The following ZNF510 variants were observed in gnomAD, a reference collection of about 807,000 sequenced individuals.
ZNF510 encodes the protein zinc finger protein 510.
A neutral mutation model predicts 18.1 loss-of-function variants in ZNF510; 15 were observed. That is an observed-to-expected ratio of 0.83 (90% confidence interval 0.55 to 1.28). ZNF510 has a LOEUF of 1.28. Ranked by LOEUF, ZNF510 falls within the 50% of genes most tolerant of loss-of-function variation. The probability of loss-of-function intolerance (pLI) is 0.00; values close to 1 mark genes in which losing one functional copy is unlikely to be tolerated. For synonymous variants in ZNF510, 261 were observed against 266.4 expected (o/e 0.98, Z 0.20); for missense variants, 724 against 791.8 (o/e 0.91, Z 1.03).
At position 96,759,802 on chromosome 9, in the gene ZNF510, T is replaced by G; in HGVS notation, c.1028A>C (p.Asn343Thr). 1.2e-6 allele frequency: 2 copies of G among 1,613,972 alleles called. No homozygotes were observed. Among genetic ancestry groups the G allele is most frequent in the Non-Finnish European group, 1.7e-6 (2 of 1,179,982 alleles). ...IKHYELNPSG[N>T]NFNRKAHLTD... ...GAGGTGTGCCTTTCTGTTGAAATTA[T>G]TTCCACTTGGATTTAATTCATAATG... Residue 343 changes from asparagine to threonine, a missense_variant, in exon 6 of 6, where the codon AAT (asparagine) becomes ACT (threonine). Transcript: ENST00000223428.
rs1343093725 is a variant in ZNF510 at position 96,755,552 on chromosome 9, A to C, written c.*3226T>G. Among the ~76,000 whole-genome samples, 3 of 152,080 alleles carry C rather than the reference A, an allele frequency of 2.0e-5. No homozygotes were observed. The highest frequency in any genetic ancestry group is 4.4e-5 in the Non-Finnish European group (3 of 68,016). On this transcript the variant is annotated 3_prime_UTR_variant, in exon 6 of 6. Coordinates refer to ENST00000223428, the MANE Select transcript of ZNF510 (RefSeq NM_014930.3). ...CAATGTAACTGGCCTATGATATTCT[A>C]TTTCTTAAGTCCTAAGATGTATTCT... is the stretch of plus-strand genomic sequence containing the variant.
At position 96,759,538 on chromosome 9, in the gene ZNF510, G is replaced by C; in HGVS notation, c.1292C>G (p.Pro431Arg). ...TTTTCCACATTCACTACATTCAAAT[G>C]GTTTCTCTCCTGTGTGAGTTCTCTG... ...QHQRTHTGEK[P>R]FECSECGKTF... The change falls in exon 6 of 6, where the codon CCA (proline) becomes CGA (arginine). Residue 431 changes from proline (P) to arginine (R), a missense_variant. Pro to Arg is a moderately radical substitution (Grantham distance 103). Coordinates refer to ENST00000223428, the MANE Select transcript of ZNF510 (RefSeq NM_014930.3). 1 of 1,614,066 alleles carries C rather than the reference G, an allele frequency of 6.2e-7. No homozygotes were observed. Among genetic ancestry groups the C allele is most frequent in the Non-Finnish European group, 8.5e-7 (1 of 1,179,980 alleles).
At chr9:96,764,163 A>G (rs1470704189) in intron 3 of ZNF510, among the ~76,000 whole-genome samples, 4 of 151,560 alleles carry the variant, frequency 2.6e-5, no homozygotes, top group African/African-American at 4.9e-5. Context: ...AAATAGATAC[A>G]TTACTAAAAC....
At position 96,763,487 on chromosome 9, in the gene ZNF510, G is replaced by A. The variant is rs375298900; in HGVS notation, c.256+19C>T. On this transcript the variant is annotated intron_variant, in intron 4 of 5. Coordinates refer to ENST00000223428, the MANE Select transcript of ZNF510 (RefSeq NM_014930.3). The stretch of plus-strand genomic sequence containing the variant: ...CTTCTATATGGAGTTACAAGGGTAA[G>A]TTATGTTTACATGCTTACCCACTGA... The A allele has an allele frequency of 8.8e-6, 14 of 1,592,744 alleles. No homozygotes were observed. In the African/African-American group the frequency reaches 1.9e-4, roughly 22 times the overall value.
intron 3 of ZNF510, among the ~76,000 whole-genome samples, chr9:96,766,137 A>G (rs1849465837): frequency 6.6e-6 from 1 of 152,216 alleles, no homozygotes. Context: ...ACTTTTTGGA[A>G]CATTACTACT....
intron 5 of ZNF510, among the ~76,000 whole-genome samples, chr9:96,762,063 A>AG (rs200986388): frequency 0.01 from 1,557 of 152,176 alleles, 28 homozygotes; most frequent in African/African-American, 0.035. Context: ...TAGGGTGGGA[A>AG]GGGGGACTGG....
At chr9:96,772,795 C>A (rs1252260449) in intron 3 of ZNF510, among the ~76,000 whole-genome samples, 2 of 152,172 alleles carry the variant, frequency 1.3e-5, no homozygotes, top group African/African-American at 4.8e-5. Flanking sequence ...GATTTGACCA[C>A]TTAGGCAAGC....
intron 1 of ZNF510, among the ~76,000 whole-genome samples, chr9:96,776,853 G>C (rs1293781341): frequency 1.3e-5 from 2 of 152,122 alleles, no homozygotes; most frequent in African/African-American, 2.4e-5. Context: ...TCCTGGTGAA[G>C]AAGTGACCTA....
intron 4 of ZNF510, 115 bp downstream of exon 4, chr9:96,763,391 G>T: frequency 7.2e-7 from 1 of 1,393,822 alleles, no homozygotes; most frequent in Non-Finnish European, 9.7e-7. Flanking sequence ...TTGGAATCCT[G>T]AATGAAAAGC....
intron 3 of ZNF510, among the ~76,000 whole-genome samples, chr9:96,766,112 T>A (rs1588129156): frequency 6.6e-6 from 1 of 152,242 alleles, no homozygotes; most frequent in African/African-American, 2.4e-5. Flanking sequence ...ATTTATTAGT[T>A]CAGTGTTTGT....
At chr9:96,768,673 C>T (rs1448092038) in intron 3 of ZNF510, among the ~76,000 whole-genome samples, 1 of 152,086 alleles carries the variant, frequency 6.6e-6, no homozygotes, top group Non-Finnish European at 1.5e-5. Context: ...CTAGAAAACA[C>T]TGCTAGAAGA....
At chr9:96,764,581 A>G (rs1429528515) in intron 3 of ZNF510, among the ~76,000 whole-genome samples, 2 of 152,236 alleles carry the variant, frequency 1.3e-5, no homozygotes, top group African/African-American at 2.4e-5. Context: ...GTCAAAACTG[A>G]AAATATTTAT....
intron 3 of ZNF510, among the ~76,000 whole-genome samples, chr9:96,764,400 C>A (rs1291706747): frequency 6.6e-6 from 1 of 152,176 alleles, no homozygotes; most frequent in Non-Finnish European, 1.5e-5. Flanking sequence ...GATCCTCCCA[C>A]CTTGGCCTCC....
At chr9:96,775,961 C>G in intron 2 of ZNF510, 39 bp downstream of exon 2, 3 of 1,583,798 alleles carry the variant, frequency 1.9e-6, no homozygotes, top group Non-Finnish European at 2.6e-6. Context: ...TTTTCCTGTG[C>G]AGTCTGACAG....
intron 5 of ZNF510, among the ~76,000 whole-genome samples, chr9:96,762,492 G>A (rs1849373321): frequency 6.8e-6 from 1 of 146,782 alleles, no homozygotes; most frequent in Admixed American, 6.8e-5. Context: ...CTGAGTGACA[G>A]AGGGAGACTC....
chr9:96,772,387 C>T (rs533704619), intron 3 of ZNF510, among the ~76,000 whole-genome samples: 4 of 149,564 alleles, frequency 2.7e-5, no homozygotes, highest in South Asian at 2.1e-4. Context: ...AAAGAAAAGA[C>T]GATCTGACCT....
chr9:96,755,823 A>G lies in ZNF510; in HGVS notation c.*2955T>C, dbSNP rs1275782136. 2 of 152,180 alleles carry G rather than the reference A, an allele frequency of 1.3e-5. No individual in the cohort carries two copies. The highest frequency in any genetic ancestry group is 2.4e-5 in the African/African-American group (1 of 41,448). 9.4% of individuals were successfully genotyped at this position (152,180 alleles called of 1,614,324 possible). A position where few individuals can be genotyped will look rare whatever the true frequency, so the allele number is the denominator to read the frequency against. On this transcript the variant is annotated 3_prime_UTR_variant, in exon 6 of 6. Transcript: ENST00000223428. ...CTGGCTATTTATCCAGAAGGAAAAA[A>G]GTTTTGTAAATTCTTATATCCAATG...
At chr9:96,776,496 C>T (rs531023038) in intron 1 of ZNF510, among the ~76,000 whole-genome samples, 28 of 152,242 alleles carry the variant, frequency 1.8e-4, no homozygotes, top group East Asian at 5.8e-4. Context: ...GTCTCCAGGC[C>T]GGGCGTGGTG....
Position 96,759,717 on chromosome 9 carries a change from C to G in ZNF510, c.1113G>C (p.Gln371His). Residue 371 changes from glutamine (Q) to histidine (H), a missense_variant, in exon 6 of 6, where the codon CAG becomes CAC. By Grantham distance (24) the Gln-to-His change is conservative. Transcript: ENST00000223428. The part of the protein sequence containing the change: ...ENPLVSNDRT[Q>H]TWVKSSEYHE... Reference sequence around the variant, plus strand: ...GATATTCAGAGGATTTAACCCAAGTCTGTGTTCTGTCATTACTTACCAATG... The same window carrying G: ...GATATTCAGAGGATTTAACCCAAGTGTGTGTTCTGTCATTACTTACCAATG... The G allele has an allele frequency of 6.2e-7, 1 of 1,613,958 alleles. No individual in the cohort carries two copies. Among genetic ancestry groups the G allele is most frequent in the Non-Finnish European group, 8.5e-7 (1 of 1,179,988 alleles).
Sources: gnomAD v4.1 joint callset for allele counts (sites outside exome capture counted in the v4.1 genomes callset) on GRCh38, gnomAD v4.1.1 for gene constraint, MANE v1.5 for transcripts, NCBI Gene and HGNC (gene_info 2026-07-23, HGNC 2026-07-21) for gene names.